ZNF518A: variants seen among roughly 807,000 people sequenced by gnomAD.
ZNF518A encodes zinc finger protein 518A.
ZNF518A carries 47 observed loss-of-function variants against 102.7 expected under a neutral mutation model. The ratio of observed to expected loss-of-function variants is 0.46; its 90% CI spans 0.36 to 0.58. The LOEUF is 0.58. Among genes scored for constraint, ZNF518A ranks in the 20% least tolerant of loss-of-function variants. The pLI is 0.00. For synonymous variants in ZNF518A, 652 were observed against 594.6 expected (o/e 1.10, Z -1.40); for missense variants, 1,793 against 1,699.8 (o/e 1.05, Z -0.96).
chr10:96,166,317 C>T (rs1554890339), downstream of ZNF518A, among the ~76,000 whole-genome samples: 1 of 152,160 alleles, frequency 6.6e-6, no homozygotes, highest in Non-Finnish European at 1.5e-5. Flanking sequence ...TCTAGGTATT[C>T]CTTAATGCAT....
intron 1 of ZNF518A, among the ~76,000 whole-genome samples, chr10:96,188,102 G>T (rs142671863): frequency 6.6e-6 from 1 of 152,112 alleles, no homozygotes; most frequent in African/African-American, 2.4e-5. Flanking sequence ...CACCTGCTTC[G>T]GCCTGCCAAA....
chr10:96,158,556 C>G lies in ZNF518A; in HGVS notation c.2234C>G (p.Thr745Ser), dbSNP rs1554884774. 6.2e-7 allele frequency: 1 copy of G among 1,612,926 alleles called. No individual in the cohort carries two copies. Residue 745 changes from threonine (T) to serine (S), a missense_variant, in exon 6 of 6, where the codon ACT becomes AGT. Physicochemically the swap from Thr to Ser is moderately conservative, Grantham distance 58 (BLOSUM62 1). Coordinates refer to ENST00000316045, the MANE Select transcript of ZNF518A (RefSeq NM_001330736.2). ...SNENQNLECA[T>S]EKSKWEDFSN... ...GAAAATCAAAATTTAGAGTGTGCGA[C>G]TGAAAAATCTAAATGGGAAGACTTT...
intron 3 of ZNF518A, among the ~76,000 whole-genome samples, chr10:96,143,914 T>G (rs1554877493): frequency 6.6e-6 from 1 of 152,226 alleles, no homozygotes; most frequent in African/African-American, 2.4e-5. Flanking sequence ...TTATAAGATC[T>G]TTCCTCTTAG....
At position 96,161,775 on chromosome 10, in the gene ZNF518A, T is replaced by C. The variant is rs1554888178; in HGVS notation, c.*1001T>C. 1 of 166,968 alleles carries C rather than the reference T, an allele frequency of 6.0e-6. No homozygotes were observed. Among genetic ancestry groups the C allele is most frequent in the Non-Finnish European group, 1.5e-5 (1 of 68,018 alleles). The allele number at this position is 166,968 out of a possible 1,614,324, so 10.3% of individuals were successfully genotyped here. A position where few individuals can be genotyped will look rare whatever the true frequency, so the allele number is the denominator to read the frequency against. ...CTGTATTCACTTTATTATTTGAACA[T>C]GTCCAAATTAGGACAAAGCATTTCT... On this transcript the variant is annotated 3_prime_UTR_variant, in exon 6 of 6. Transcript: ENST00000316045.
chr10:96,196,843 C>T, intron 1 of ZNF518A: 3 of 1,482,300 alleles, frequency 2.0e-6, no homozygotes, highest in Non-Finnish European at 2.8e-6. Flanking sequence ...GCATCTAATA[C>T]AGTATTTGAT....
chr10:96,189,508 C>T, intron 1 of ZNF518A: 2 of 644,022 alleles, frequency 3.1e-6, no homozygotes, highest in South Asian at 2.8e-5. Flanking sequence ...GATTTAATGT[C>T]TTCTACAGAA....
At chr10:96,191,944 G>A (rs782147459) in intron 1 of ZNF518A, 3 of 1,613,028 alleles carry the variant, frequency 1.9e-6, no homozygotes, top group Admixed American at 3.3e-5. Flanking sequence ...AGTGTCTGAA[G>A]CAATGGTATT....
Position 96,132,595 on chromosome 10 carries a change from CTT to C in ZNF518A, c.-442_-441del, listed in dbSNP as rs2081395535. The C allele has an allele frequency of 4.0e-5, 6 of 150,390 alleles. No individual in the cohort carries two copies. The highest frequency in any genetic ancestry group is 4.0e-4 in the Admixed American group (6 of 15,042). 9.3% of individuals were successfully genotyped at this position (150,390 alleles called of 1,614,324 possible). A position where few individuals can be genotyped will look rare whatever the true frequency, so the allele number is the denominator to read the frequency against. On this transcript the variant is annotated 5_prime_UTR_variant, in exon 2 of 6. It removes the in-frame stop codon of an upstream open reading frame in the 5' UTR. Transcript: ENST00000316045. ...TGGTCTTCATTTCCAGATATCATCT[CTT>C]CTTTTGATCACTGTTCCTGATTGTG...
At chr10:96,145,825 A>G (rs1466648978) in intron 3 of ZNF518A, among the ~76,000 whole-genome samples, 1 of 152,256 alleles carries the variant, frequency 6.6e-6, no homozygotes, top group African/African-American at 2.4e-5. Flanking sequence ...ATAAAGTTTC[A>G]TAAAATTGCA....
rs2082731070 is a variant in ZNF518A, at chr10:96,157,122, G to A, written c.800G>A (p.Cys267Tyr). 5 of 1,613,592 alleles carry A rather than the reference G, an allele frequency of 3.1e-6. No homozygotes were observed. Among genetic ancestry groups the A allele is most frequent in the Non-Finnish European group, 3.4e-6 (4 of 1,179,786 alleles). ...SGTFPFTCQY[C>Y]SYGATRREHL... Reference sequence around the variant, plus strand: ...ACTTTTCCCTTCACTTGTCAATATTGTAGCTATGGTGCCACCAGGAGAGAA... The same window carrying A: ...ACTTTTCCCTTCACTTGTCAATATTATAGCTATGGTGCCACCAGGAGAGAA... Residue 267 changes from cysteine (C) to tyrosine (Y), a missense_variant, in exon 6 of 6, where the codon TGT (cysteine) becomes TAT (tyrosine). Coordinates refer to ENST00000316045, the MANE Select transcript of ZNF518A (RefSeq NM_001330736.2).
At chr10:96,186,743 AT>A (rs1341724387) in intron 1 of ZNF518A, among the ~76,000 whole-genome samples, 3 of 152,224 alleles carry the variant, frequency 2.0e-5, no homozygotes, top group Admixed American at 1.3e-4. Context: ...ACCAAAACAA[AT>A]AACTTTCCCA....
At position 96,162,675 on chromosome 10, in the gene ZNF518A, G is replaced by A. The variant is rs2083044069; in HGVS notation, c.*1901G>A. 6.0e-6 allele frequency: 1 copy of A among 165,894 alleles called. No homozygotes were observed. The highest frequency in any genetic ancestry group is 2.4e-5 in the African/African-American group (1 of 41,428). 10.3% of individuals were successfully genotyped at this position (165,894 alleles called of 1,614,324 possible). A position where few individuals can be genotyped will look rare whatever the true frequency, so the allele number is the denominator to read the frequency against. On this transcript the variant is annotated 3_prime_UTR_variant, in exon 6 of 6. Transcript: ENST00000316045. The stretch of plus-strand genomic sequence containing the variant: ...TAATGTACATGGTGTTTAAAGAATG[G>A]TAAGCATTGTTAATTTCTGTAATGA...
chr10:96,159,357 C>G lies in ZNF518A; in HGVS notation c.3035C>G (p.Pro1012Arg), dbSNP rs782668717. ...GTGACTAAGGAGCCTTGCAAAACAC[C>G]TATTTTGAAGGTAGAACCAAACAAT... ...GTVTKEPCKT[P>R]ILKVEPNNNC... Residue 1012 changes from proline (P) to arginine (R), a missense_variant, in exon 6 of 6, where the codon CCT (proline) becomes CGT (arginine). This residue lies in a region of ZNF518A where 1,741 missense variants were observed against 1,622.6 expected (regional missense o/e 1.07). Transcript: ENST00000316045. 2.5e-6 allele frequency: 4 copies of G among 1,613,788 alleles called. No individual in the cohort carries two copies. Among genetic ancestry groups the G allele is most frequent in the South Asian group, 2.2e-5 (2 of 91,072 alleles).
Position 96,156,385 on chromosome 10 carries a change from T to C in ZNF518A, c.63T>C (p.Tyr21=). The C allele has an allele frequency of 1.2e-6, 2 of 1,602,690 alleles. No homozygotes were observed. The highest frequency in any genetic ancestry group is 1.7e-6 in the Non-Finnish European group (2 of 1,176,812). The change falls in exon 6 of 6, where the codon TAT becomes TAC. Residue 21 remains tyrosine (Y), a synonymous_variant. Transcript: ENST00000316045. ...DEKQTTLKKD[Y]DVKNEIVDRS... is the part of the protein sequence containing the mutation. ...AACAAACTACTTTAAAAAAAGATTA[T>C]GATGTGAAAAATGAGATAGTTGATA... is the stretch of plus-strand genomic sequence containing the variant.
At chr10:96,177,188 T>C (rs2083210449) in intron 1 of ZNF518A, among the ~76,000 whole-genome samples, 1 of 152,120 alleles carries the variant, frequency 6.6e-6, no homozygotes, top group Non-Finnish European at 1.5e-5. Context: ...TAAGAGTTAC[T>C]GCAGACTTAC....
Position 96,158,578 on chromosome 10 carries a change from CTT to C in ZNF518A, c.2259_2260del (p.Ser754Ter). 1 of 1,613,120 alleles carries C rather than the reference CTT, an allele frequency of 6.2e-7. No homozygotes were observed. The highest frequency in any genetic ancestry group is 8.5e-7 in the Non-Finnish European group (1 of 1,179,606). On this transcript the variant is annotated frameshift_variant, in exon 6 of 6. Transcript: ENST00000316045. LOFTEE classifies it high-confidence loss of function. ...CGACTGAAAAATCTAAATGGGAAGA[CTT>C]TTCTAATGTCGATTCACCTATGATG... is the stretch of plus-strand genomic sequence containing the variant. ...CATEKSKWED[F>X]SNVDSPMMPR...
chr10:96,144,833 A>G (rs1366479013), intron 3 of ZNF518A, among the ~76,000 whole-genome samples: 2 of 152,228 alleles, frequency 1.3e-5, no homozygotes, highest in Non-Finnish European at 2.9e-5. Flanking sequence ...AAAATTCTAA[A>G]TAACACTTTG....
At chr10:96,183,864 A>C (rs1554892266) in intron 1 of ZNF518A, among the ~76,000 whole-genome samples, 1 of 152,186 alleles carries the variant, frequency 6.6e-6, no homozygotes, top group Non-Finnish European at 1.5e-5. Context: ...AGTCCTGGAT[A>C]TCATTGTTAA....
intron 1 of ZNF518A, among the ~76,000 whole-genome samples, chr10:96,193,012 C>A (rs1222161487): frequency 6.6e-6 from 1 of 152,138 alleles, no homozygotes; most frequent in Non-Finnish European, 1.5e-5. Flanking sequence ...GTTTGGATGA[C>A]TTCCAAGTAG....
Sources: gnomAD v4.1 joint callset for allele counts (sites outside exome capture counted in the v4.1 genomes callset) on GRCh38, gnomAD v4.1.1 for gene constraint, gnomAD v4.1.1 regional missense constraint, MANE v1.5 for transcripts, NCBI Gene and HGNC (gene_info 2026-07-23, HGNC 2026-07-21) for gene names.